Variants in ABCA12 observed in about 807,000 individuals in gnomAD.
The protein encoded by ABCA12 is ATP binding cassette subfamily A member 12.
A neutral mutation model predicts 293.5 loss-of-function variants in ABCA12; 156 were observed. The observed-to-expected ratio is 0.53, with a 90% confidence interval of 0.47 to 0.61. The LOEUF (loss-of-function observed/expected upper bound fraction) is 0.61. ABCA12 is among the 20% of genes least tolerant of loss of function. The pLI is 0.00. For synonymous variants in ABCA12, 1,063 were observed against 1,108.0 expected, an observed-to-expected ratio of 0.96 and a Z score of 0.81; for missense variants, 2,797 against 3,090.2, an observed-to-expected ratio of 0.91 and a Z score of 2.25.
chr2:214,983,819 C>G lies in ABCA12; in HGVS notation c.4210G>C (p.Val1404Leu), dbSNP rs772071964. Residue 1404 changes from valine to leucine, a missense_variant, in exon 29 of 53, where the codon GTA (valine) becomes CTA (leucine). Val to Leu is a conservative substitution (Grantham distance 32). Transcript: ENST00000272895. ...LFGASAGTIF[V>L]YGKDIKTDLH... ...TCTGTTTTGATATCTTTTCCATATA[C>G]AAAAATGGTGCCTGCTGAGGCCCCA... 1 of 1,613,610 alleles carries G rather than the reference C, an allele frequency of 6.2e-7. No individual in the cohort carries two copies. The highest frequency in any genetic ancestry group is 1.1e-5 in the South Asian group (1 of 91,058).
intron 5 of ABCA12, among the ~76,000 whole-genome samples, chr2:215,052,057 C>T (rs964737709): frequency 5.3e-5 from 8 of 152,096 alleles, no homozygotes; most frequent in Admixed American, 2.6e-4. Flanking sequence ...CTCTAAAATA[C>T]GCTAAGAAAA....
intron 2 of ABCA12, among the ~76,000 whole-genome samples, chr2:215,079,354 A>G (rs983803477): frequency 1.3e-5 from 2 of 152,212 alleles, no homozygotes; most frequent in Admixed American, 6.5e-5. Context: ...TCCTGGCTCT[A>G]AAACAATAAA....
At chr2:215,102,492 G>A (rs1392024795) in intron 2 of ABCA12, among the ~76,000 whole-genome samples, 3 of 152,164 alleles carry the variant, frequency 2.0e-5, no homozygotes, top group East Asian at 1.9e-4. Context: ...CCAGCTGTTT[G>A]GGAGGCTGAG....
chr2:214,976,417 G>C (rs1699518601), intron 33 of ABCA12, among the ~76,000 whole-genome samples: 1 of 152,138 alleles, frequency 6.6e-6, no homozygotes, highest in Non-Finnish European at 1.5e-5. Flanking sequence ...TAATACTCAA[G>C]AGATAGTTTC....
At chr2:215,028,279 G>C (rs1027072934) in intron 9 of ABCA12, among the ~76,000 whole-genome samples, 1 of 152,112 alleles carries the variant, frequency 6.6e-6, no homozygotes, top group Non-Finnish European at 1.5e-5. Flanking sequence ...TTTAAATGTG[G>C]GTTAACAACA....
chr2:215,039,125 T>C (rs994429753), intron 7 of ABCA12: 3 of 152,236 alleles, frequency 2.0e-5, no homozygotes, highest in African/African-American at 7.2e-5. Context: ...TGTCCTTTCA[T>C]ATGCTTTTCT....
At chr2:215,070,535 TC>T (rs1321990854) in intron 2 of ABCA12, among the ~76,000 whole-genome samples, 149 of 56,478 alleles carry the variant, frequency 2.6e-3, no homozygotes, top group African/African-American at 0.011. Flanking sequence ...CCCTCCCCCC[TC>T]CCCCCACCCC....
chr2:215,053,416 C>T (rs1701358036), intron 4 of ABCA12, among the ~76,000 whole-genome samples: 1 of 152,074 alleles, frequency 6.6e-6, no homozygotes, highest in Non-Finnish European at 1.5e-5. Flanking sequence ...CCATCTGATT[C>T]CTTTAGACTA....
At chr2:215,070,594 C>G (rs1701718372) in intron 2 of ABCA12, among the ~76,000 whole-genome samples, 1 of 131,056 alleles carries the variant, frequency 7.6e-6, no homozygotes, top group Non-Finnish European at 1.5e-5. Flanking sequence ...TCTATGTGTT[C>G]TCATTTTTCA....
intron 9 of ABCA12, among the ~76,000 whole-genome samples, chr2:215,031,451 G>A (rs1700875512): frequency 6.6e-6 from 1 of 152,146 alleles, no homozygotes; most frequent in Non-Finnish European, 1.5e-5. Flanking sequence ...TTTTGCTATA[G>A]CAGCCTGCAC....
intron 1 of ABCA12, among the ~76,000 whole-genome samples, chr2:215,124,214 G>A (rs1026146107): frequency 1.3e-5 from 2 of 152,144 alleles, no homozygotes; most frequent in Non-Finnish European, 2.9e-5. Context: ...ATTGTGCATT[G>A]TGCTGCTATA....
At chr2:214,936,236 A>G (rs759764189) in intron 51 of ABCA12, among the ~76,000 whole-genome samples, 2 of 152,184 alleles carry the variant, frequency 1.3e-5, no homozygotes, top group Non-Finnish European at 2.9e-5. Flanking sequence ...CAGTATATTT[A>G]TGTTGTGTAA....
intron 2 of ABCA12, among the ~76,000 whole-genome samples, chr2:215,110,843 T>C (rs772099630): frequency 1.3e-5 from 2 of 152,256 alleles, no homozygotes; most frequent in African/African-American, 2.4e-5. Flanking sequence ...AGAAGCTTTT[T>C]AGGAGATGGC....
At chr2:215,051,608 T>TAGTGTGTGTG (rs1701321621) in intron 5 of ABCA12, among the ~76,000 whole-genome samples, 1 of 20,544 alleles carries the variant, frequency 4.9e-5, no homozygotes. Context: ...TTAAAAACGC[T>TAGTGTGTGTG]AGTGTGTGTG....
At chr2:215,066,627 G>T (rs1262966463) in intron 2 of ABCA12, among the ~76,000 whole-genome samples, 1 of 148,640 alleles carries the variant, frequency 6.7e-6, no homozygotes, top group African/African-American at 2.5e-5. Flanking sequence ...TCATCACAGA[G>T]TTTCTTTAAA....
chr2:214,975,784 C>A lies in ABCA12; in HGVS notation c.5381+1G>T. The A allele has an allele frequency of 6.2e-7, 1 of 1,614,018 alleles. No individual in the cohort carries two copies. Among genetic ancestry groups the A allele is most frequent in the Non-Finnish European group, 8.5e-7 (1 of 1,179,936 alleles). On this transcript the variant is annotated splice_donor_variant, in intron 34 of 52. Coordinates refer to ENST00000272895, the MANE Select transcript of ABCA12 (RefSeq NM_173076.3). LOFTEE classifies it high-confidence loss of function. Reference sequence around the variant, plus strand: ...CTTTTAGTTAACAGAAAGAAACTTACGCATAGAAGGCTGTCTGTTCGGAGG... The same window carrying A: ...CTTTTAGTTAACAGAAAGAAACTTAAGCATAGAAGGCTGTCTGTTCGGAGG...
intron 2 of ABCA12, among the ~76,000 whole-genome samples, chr2:215,078,051 G>T (rs1164998995): frequency 1.3e-5 from 2 of 152,156 alleles, no homozygotes; most frequent in African/African-American, 2.4e-5. Flanking sequence ...TGCAGTCATT[G>T]CTTTTTCCTG....
At chr2:215,050,672 A>T in intron 5 of ABCA12, 1 of 506,212 alleles carries the variant, frequency 2.0e-6, no homozygotes. Context: ...GCTACCTTCT[A>T]GTGACTCAAA....
rs1702319012 is a variant in ABCA12 at position 215,099,816 on chromosome 2, T to C, written c.163+11781A>G. Among the ~76,000 whole-genome samples the C allele has an allele frequency of 2.6e-5, 4 of 152,186 alleles. No homozygotes were observed. In the South Asian group the frequency reaches 8.3e-4, roughly 31 times the overall value. On this transcript the variant is annotated intron_variant, in intron 2 of 52. Coordinates refer to ENST00000272895, the MANE Select transcript of ABCA12 (RefSeq NM_173076.3). ...AACAGATAACTAATACAGCCTGTGA[T>C]ATAAACATCTGGATGGATATAAACA... is the stretch of plus-strand genomic sequence containing the variant.
Sources: gnomAD v4.1 joint callset for allele counts (sites outside exome capture counted in the v4.1 genomes callset) on GRCh38, gnomAD v4.1.1 for gene constraint, MANE v1.5 for transcripts, NCBI Gene and HGNC (gene_info 2026-07-23, HGNC 2026-07-21) for gene names.